Variants in RGS20 observed in about 807,000 individuals in gnomAD.
The protein encoded by RGS20 is regulator of G protein signaling 20.
RGS20 carries 30 observed loss-of-function variants against 33.6 expected under a neutral mutation model. The observed-to-expected ratio is 0.89, with a 90% CI of 0.67 to 1.21. The LOEUF is 1.21. RGS20 is among the 50% of genes most tolerant of loss of function. The pLI is 0.00. For synonymous variants in RGS20, 208 were observed against 197.9 expected, an observed-to-expected ratio of 1.05 and a Z score of -0.43; for missense variants, 472 against 502.4, an observed-to-expected ratio of 0.94 and a Z score of 0.58.
intron 1 of RGS20, among the ~76,000 whole-genome samples, chr8:53,869,764 C>T (rs1438578050): frequency 2.0e-5 from 3 of 152,082 alleles, no homozygotes; most frequent in African/African-American, 7.2e-5. Flanking sequence ...CTACACACAC[C>T]AAGAGAACAT....
At chr8:53,886,559 A>T (rs1242030009) in intron 2 of RGS20, among the ~76,000 whole-genome samples, 6 of 152,226 alleles carry the variant, frequency 3.9e-5, no homozygotes, top group Non-Finnish European at 8.8e-5. Flanking sequence ...AAAGTGTAAA[A>T]TCCTTTTCAT....
At position 53,939,688 on chromosome 8, in the gene RGS20, G is replaced by A; in HGVS notation, c.623G>A (p.Cys208Tyr). Residue 208 changes from cysteine (C) to tyrosine (Y), a missense_variant, in exon 3 of 6, where the codon TGC (cysteine) becomes TAC (tyrosine). By Grantham distance (194) the Cys-to-Tyr change is radical. Around this residue, in one of 3 missense-constraint regions of RGS20, gnomAD observed 319 missense variants for 283.4 expected, o/e 1.13. Coordinates refer to ENST00000297313, the MANE Select transcript of RGS20 (RefSeq NM_170587.4). ...GCGGGGAGTCGCGGGTCCAACGCATGCTGCTTCTGCTGGTGCTGCTGTTGT... is the reference window on the plus strand; with the variant it reads ...GCGGGGAGTCGCGGGTCCAACGCATACTGCTTCTGCTGGTGCTGCTGTTGT... 6.4e-7 allele frequency: 1 copy of A among 1,567,590 alleles called. No homozygotes were observed. The highest frequency in any genetic ancestry group is 8.7e-7 in the Non-Finnish European group (1 of 1,155,868).
At chr8:53,868,650 GTAAA>G (rs1811979160) in intron 1 of RGS20, among the ~76,000 whole-genome samples, 1 of 150,780 alleles carries the variant, frequency 6.6e-6, no homozygotes, top group Non-Finnish European at 1.5e-5. Flanking sequence ...AGCTTCACTG[GTAAA>G]TATATATATA....
chr8:53,954,385 C>T (rs1349369620), intron 5 of RGS20, 75 bp downstream of exon 4: 9 of 997,520 alleles, frequency 9.0e-6, no homozygotes, highest in Non-Finnish European at 1.1e-5. Context: ...TGCCATAGGC[C>T]GGGCACAGTG....
chr8:53,957,031 C>A (rs1382775282), intron 5 of RGS20, among the ~76,000 whole-genome samples: 6 of 152,184 alleles, frequency 3.9e-5, no homozygotes, highest in African/African-American at 1.4e-4. Flanking sequence ...TAAGACATTA[C>A]CATCATCATC....
At chr8:53,898,183 A>G (rs1812920967) in intron 2 of RGS20, among the ~76,000 whole-genome samples, 1 of 152,172 alleles carries the variant, frequency 6.6e-6, no homozygotes, top group African/African-American at 2.4e-5. Flanking sequence ...GGTGGTGATG[A>G]TGATGATGAT....
chr8:53,854,113 C>T (rs188873602), intron 1 of RGS20, among the ~76,000 whole-genome samples: 26 of 151,902 alleles, frequency 1.7e-4, no homozygotes, highest in Admixed American at 4.6e-4. Flanking sequence ...TACAACTACA[C>T]GGAGAACTAT....
At chr8:53,864,514 C>T (rs1474605708) in intron 1 of RGS20, among the ~76,000 whole-genome samples, 1 of 151,788 alleles carries the variant, frequency 6.6e-6, no homozygotes, top group East Asian at 1.9e-4. Flanking sequence ...TCCATTAGCC[C>T]TGTGCTGCCT....
intron 2 of RGS20, among the ~76,000 whole-genome samples, chr8:53,929,675 A>T (rs1226336318): frequency 6.6e-6 from 1 of 152,198 alleles, no homozygotes. Context: ...TATCAAAAAA[A>T]ATGTTTAATA....
chr8:53,946,362 C>T (rs2129291558), intron 3 of RGS20, among the ~76,000 whole-genome samples: 1 of 152,222 alleles, frequency 6.6e-6, no homozygotes, highest in Non-Finnish European at 1.5e-5. Flanking sequence ...CGCGCCGAAC[C>T]CTTTTTTACT....
intron 2 of RGS20, among the ~76,000 whole-genome samples, chr8:53,932,062 T>TTCC (rs760123491): frequency 1.3e-5 from 2 of 152,208 alleles, no homozygotes; most frequent in Non-Finnish European, 2.9e-5. Context: ...ATTCTTTTCT[T>TTCC]TAAGAATGTT....
chr8:53,853,011 A>G (rs542164290), intron 1 of RGS20, among the ~76,000 whole-genome samples: 15 of 152,322 alleles, frequency 9.8e-5, no homozygotes, highest in East Asian at 5.8e-4. Flanking sequence ...GCTTTCAGAC[A>G]TATGTGAACA....
intron 1 of RGS20, among the ~76,000 whole-genome samples, chr8:53,875,026 G>T (rs1179175805): frequency 6.6e-6 from 1 of 152,138 alleles, no homozygotes; most frequent in Non-Finnish European, 1.5e-5. Context: ...GATGTTTTTC[G>T]CCTGAACAAA....
chr8:53,885,348 T>C (rs889769624), intron 2 of RGS20, among the ~76,000 whole-genome samples: 1 of 152,190 alleles, frequency 6.6e-6, no homozygotes, highest in African/African-American at 2.4e-5. Context: ...GCGCGGTGGC[T>C]CACGCCTGTA....
At chr8:53,939,224 G>A (rs1259445228) in intron 2 of RGS20, among the ~76,000 whole-genome samples, 2 of 152,126 alleles carry the variant, frequency 1.3e-5, no homozygotes, top group South Asian at 4.1e-4. Context: ...TTTGGTTCAG[G>A]CCACAGGGAT....
intron 3 of RGS20, among the ~76,000 whole-genome samples, chr8:53,940,528 A>C (rs1054383399): frequency 1.3e-5 from 2 of 152,192 alleles, no homozygotes. Flanking sequence ...CTGATAATGG[A>C]CTGATCACGA....
At chr8:53,880,914 A>G in intron 2 of RGS20, 2 of 1,538,376 alleles carry the variant, frequency 1.3e-6, no homozygotes, top group Non-Finnish European at 8.7e-7. Context: ...GGCTAGAGCA[A>G]AGACCGAGAG....
chr8:53,953,931 C>G (rs6981243), intron 4 of RGS20, 145 bp from the exon 4 acceptor site: 1 of 682,444 alleles, frequency 1.5e-6, no homozygotes, highest in Non-Finnish European at 2.6e-6. Flanking sequence ...TGAGGAAATG[C>G]GAACAGTTCT....
chr8:53,891,367 C>T (rs1423685773), intron 2 of RGS20, among the ~76,000 whole-genome samples: 3 of 152,008 alleles, frequency 2.0e-5, no homozygotes, highest in Non-Finnish European at 2.9e-5. Context: ...GCCTTTAATC[C>T]CAGCACTTTG....
Sources: allele counts gnomAD v4.1 joint callset (sites outside exome capture counted in the v4.1 genomes callset), GRCh38; gene constraint gnomAD v4.1.1; regional missense constraint gnomAD v4.1.1; transcripts MANE v1.5; gene names NCBI Gene and HGNC (gene_info 2026-07-23, HGNC 2026-07-21).